The following ENTREP2 variants were observed in gnomAD, a reference collection of about 807,000 sequenced individuals.
The protein encoded by ENTREP2 is protein ENTREP2.
At chr15:29,365,366 T>C in the ENTREP2 span, among the ~76,000 whole-genome samples, 1 of 151,386 alleles carries the variant, frequency 6.6e-6, no homozygotes, top group African/African-American at 2.4e-5. Flanking sequence ...GATCCTTCCA[T>C]CTCAGCCTCC....
At chr15:29,215,624 C>T in the ENTREP2 span, among the ~76,000 whole-genome samples, 19 of 151,064 alleles carry the variant, frequency 1.3e-4, no homozygotes, top group African/African-American at 4.4e-4. Context: ...CTCTAGAGAA[C>T]CTAGACTAAC....
the ENTREP2 span, among the ~76,000 whole-genome samples, chr15:29,293,258 C>G: frequency 6.8e-6 from 1 of 147,062 alleles, no homozygotes; most frequent in African/African-American, 2.5e-5. Flanking sequence ...TTTATTGACT[C>G]TTTTTTTTTT....
the ENTREP2 span, chr15:29,195,281 G>A: frequency 1.9e-5 from 19 of 985,064 alleles, no homozygotes; most frequent in African/African-American, 7.0e-5. Flanking sequence ...GAGATGAGCC[G>A]CATCCTCTCT....
chr15:29,276,509 G>A, the ENTREP2 span, among the ~76,000 whole-genome samples: 3 of 152,180 alleles, frequency 2.0e-5, no homozygotes, highest in Non-Finnish European at 4.4e-5. Context: ...TGGTTCAGAA[G>A]TTCAGTCAGC....
At chr15:29,603,752 C>T in the ENTREP2 span, among the ~76,000 whole-genome samples, 4 of 152,246 alleles carry the variant, frequency 2.6e-5, no homozygotes, top group African/African-American at 9.6e-5. Flanking sequence ...GATTCTCCTG[C>T]CTCAGCCTCC....
chr15:29,601,061 C>T, the ENTREP2 span, among the ~76,000 whole-genome samples: 1 of 150,956 alleles, frequency 6.6e-6, no homozygotes, highest in African/African-American at 2.5e-5. Flanking sequence ...CCACGCCCGG[C>T]TAATTTTTTG....
chr15:29,457,281 G>C, the ENTREP2 span, among the ~76,000 whole-genome samples: 7 of 152,216 alleles, frequency 4.6e-5, no homozygotes, highest in Non-Finnish European at 8.8e-5. Flanking sequence ...AGCAGGCATG[G>C]GCCAGCTAAG....
At chr15:29,183,416 GT>G in the ENTREP2 span, among the ~76,000 whole-genome samples, 2 of 152,186 alleles carry the variant, frequency 1.3e-5, no homozygotes, top group African/African-American at 4.8e-5. Context: ...CACTTCCCCT[GT>G]GAGCCAGCAA....
the ENTREP2 span, among the ~76,000 whole-genome samples, chr15:29,294,408 T>C: frequency 3.2e-3 from 481 of 152,278 alleles, 12 homozygotes; most frequent in East Asian, 0.055. Context: ...AGGCATAGAA[T>C]TGCACTTGTC....
chr15:29,190,116 G>A, the ENTREP2 span, among the ~76,000 whole-genome samples: 1 of 152,142 alleles, frequency 6.6e-6, no homozygotes, highest in African/African-American at 2.4e-5. Context: ...ACCTGCTCAG[G>A]AACCCAGGAG....
the ENTREP2 span, among the ~76,000 whole-genome samples, chr15:29,642,393 G>C: frequency 1.3e-5 from 2 of 151,152 alleles, no homozygotes; most frequent in Middle Eastern, 3.5e-3. Context: ...ATAGGGGGGA[G>C]AGAATAATCT....
At chr15:29,199,116 G>A in the ENTREP2 span, among the ~76,000 whole-genome samples, 2 of 152,146 alleles carry the variant, frequency 1.3e-5, no homozygotes, top group East Asian at 1.9e-4. Flanking sequence ...AATACCTATT[G>A]ATCAGAGCTG....
the ENTREP2 span, among the ~76,000 whole-genome samples, chr15:29,649,017 T>C: frequency 1.2e-3 from 179 of 150,304 alleles, no homozygotes; most frequent in Non-Finnish European, 1.8e-3. Context: ...ATAGTAGAAC[T>C]AGTAGCCCTT....
At chr15:29,336,141 CAAAAAAAAAAAA>C in the ENTREP2 span, among the ~76,000 whole-genome samples, 1 of 77,586 alleles carries the variant, frequency 1.3e-5, no homozygotes, top group Non-Finnish European at 2.4e-5. Context: ...GACTCCGTCT[CAAAAAAAAAAAA>C]AAAAAAAAAT....
chr15:29,230,152 A>G, the ENTREP2 span, among the ~76,000 whole-genome samples: 16 of 152,162 alleles, frequency 1.1e-4, no homozygotes, highest in South Asian at 3.3e-3. Context: ...GTCCATTCCC[A>G]CTTCTCACCA....
the ENTREP2 span, among the ~76,000 whole-genome samples, chr15:29,277,350 A>C: frequency 2.0e-5 from 3 of 152,046 alleles, no homozygotes; most frequent in Non-Finnish European, 4.4e-5. Flanking sequence ...TCAAAGAAAA[A>C]AAAAAAAAAG....
At chr15:29,636,064 T>C in the ENTREP2 span, among the ~76,000 whole-genome samples, 1 of 152,184 alleles carries the variant, frequency 6.6e-6, no homozygotes, top group East Asian at 1.9e-4. Context: ...TGGTTCAGTC[T>C]TCAAGGACAG....
chr15:29,138,936 G>C, the ENTREP2 span, among the ~76,000 whole-genome samples: 1 of 152,092 alleles, frequency 6.6e-6, no homozygotes, highest in East Asian at 1.9e-4. Flanking sequence ...GCCAGGGAAG[G>C]ATGTGTTTAA....
the ENTREP2 span, among the ~76,000 whole-genome samples, chr15:29,575,534 A>G: frequency 2.6e-5 from 4 of 152,304 alleles, no homozygotes; most frequent in South Asian, 8.3e-4. Context: ...AAAAGGAAAT[A>G]AAGGACATCC....
Sources: gnomAD v4.1 joint callset for allele counts (sites outside exome capture counted in the v4.1 genomes callset) on GRCh38, gnomAD v4.1.1 for gene constraint, MANE v1.5 for transcripts, NCBI Gene and HGNC (gene_info 2026-07-23, HGNC 2026-07-21) for gene names.